Variants in CPNE1 observed in about 807,000 individuals in gnomAD.
CPNE1 encodes the protein copine-1.
CPNE1 carries 58 observed loss-of-function variants against 63.2 expected under a neutral mutation model. The observed-to-expected ratio is 0.92, with a 90% confidence interval of 0.74 to 1.14. CPNE1 has a LOEUF of 1.14. CPNE1 is among the 50% of genes most tolerant of loss of function. The pLI is 0.00. For synonymous variants in CPNE1, 237 were observed against 249.0 expected (o/e 0.95, Z 0.45); for missense variants, 672 against 661.7 (o/e 1.02, Z -0.17).
At chr20:35,656,879 G>A (rs1430097680) in intron 1 of CPNE1, among the ~76,000 whole-genome samples, 1 of 147,394 alleles carries the variant, frequency 6.8e-6, no homozygotes. Context: ...AATTAATGAA[G>A]AGATTTGGTT....
intron 1 of CPNE1, among the ~76,000 whole-genome samples, chr20:35,662,576 A>T (rs986814316): frequency 2.0e-5 from 3 of 152,246 alleles, no homozygotes; most frequent in Non-Finnish European, 2.9e-5. Flanking sequence ...ATCTAAAAGC[A>T]TCTTTTGTGC....
At chr20:35,653,246 G>A (rs867400669) in intron 1 of CPNE1, 1 of 1,613,556 alleles carries the variant, frequency 6.2e-7, no homozygotes, top group Non-Finnish European at 8.5e-7. Context: ...CCTGCACTGG[G>A]CATTCCCGCA....
At chr20:35,656,272 G>A (rs1474117413) in intron 1 of CPNE1, among the ~76,000 whole-genome samples, 1 of 151,974 alleles carries the variant, frequency 6.6e-6, no homozygotes, top group Non-Finnish European at 1.5e-5. Flanking sequence ...ATTACTCAGT[G>A]GTTGTTACAG....
chr20:35,630,450 G>T lies in CPNE1; in HGVS notation c.1091C>A (p.Pro364His), dbSNP rs532392894. Residue 364 changes from proline (P) to histidine (H), a missense_variant, in exon 13 of 16, where the codon CCC becomes CAC. Coordinates refer to ENST00000397443, the MANE Select transcript of CPNE1 (RefSeq NM_152925.3). ...ATGGGGAAACTTACCTGCACAGTAG[G>T]GGTTACTGGGGTTGAAATTCAAGGC... ...EFALNFNPSN[P>H]YCAGIQGIVD... 2 of 1,614,120 alleles carry T rather than the reference G, an allele frequency of 1.2e-6. No individual in the cohort carries two copies. Among genetic ancestry groups the T allele is most frequent in the Non-Finnish European group, 1.7e-6 (2 of 1,179,966 alleles).
intron 1 of CPNE1, among the ~76,000 whole-genome samples, chr20:35,643,817 G>A (rs1202731581): frequency 6.6e-6 from 1 of 152,100 alleles, no homozygotes; most frequent in Non-Finnish European, 1.5e-5. Flanking sequence ...CTACCAATAG[G>A]TAAGGGCCCT....
At position 35,664,802 on chromosome 20, in the gene CPNE1, CCCCCGCGCGAGTGCCTCCG is replaced by C. The variant is rs1300020469; in HGVS notation, c.-62_-44del. The C allele has an allele frequency of 6.6e-6, 1 of 152,444 alleles. No individual in the cohort carries two copies. Among genetic ancestry groups the C allele is most frequent in the Non-Finnish European group, 1.5e-5 (1 of 68,200 alleles). The allele number at this position is 152,444 out of a possible 1,614,324, so 9.4% of individuals were successfully genotyped here. A position where few individuals can be genotyped will look rare whatever the true frequency, so the allele number is the denominator to read the frequency against. ...CACCAGAACCCAGACCCCGAATTAC[CCCCCGCGCGAGTGCCTCCG>C]CCCCGCGGCCGACAGCCCCAGCCCG... On this transcript the variant is annotated 5_prime_UTR_variant, in exon 1 of 16. Coordinates refer to ENST00000397443, the MANE Select transcript of CPNE1 (RefSeq NM_152925.3).
intron 1 of CPNE1, among the ~76,000 whole-genome samples, chr20:35,663,551 C>T (rs2034351591): frequency 6.6e-6 from 1 of 152,120 alleles, no homozygotes; most frequent in African/African-American, 2.4e-5. Flanking sequence ...TCCCTACCAA[C>T]TTCTTCAATT....
chr20:35,646,620 G>A (rs1412365019), intron 1 of CPNE1, among the ~76,000 whole-genome samples: 1 of 152,100 alleles, frequency 6.6e-6, no homozygotes, highest in Non-Finnish European at 1.5e-5. Flanking sequence ...TTCAGTCTAA[G>A]AGTTTTAAGT....
intron 1 of CPNE1, among the ~76,000 whole-genome samples, chr20:35,633,954 C>T (rs1433224633): frequency 5.2e-5 from 5 of 96,746 alleles, no homozygotes; most frequent in South Asian, 3.7e-4. Context: ...AGCAAGATTC[C>T]GTCTCAAAAA....
chr20:35,654,270 G>C (rs760417413), intron 1 of CPNE1: 1 of 1,614,174 alleles, frequency 6.2e-7, no homozygotes, highest in Non-Finnish European at 8.5e-7. Context: ...CTTGAGGGGA[G>C]AGAAACTTAA....
chr20:35,647,029 G>A (rs2033144961), intron 1 of CPNE1, among the ~76,000 whole-genome samples: 1 of 152,056 alleles, frequency 6.6e-6, no homozygotes, highest in African/African-American at 2.4e-5. Context: ...AAAAAAATAG[G>A]GCCGGGCATG....
Position 35,630,190 on chromosome 20 carries a change from A to T in CPNE1, c.1102+249T>A, listed in dbSNP as rs543402529. ...GCGACTGTAGTCCCAGCTACTTGGG[A>T]GGCTGAGGCAGAAGAATTGCTCGAA... On this transcript the variant is annotated intron_variant, in intron 13 of 15. Coordinates refer to ENST00000397443, the MANE Select transcript of CPNE1 (RefSeq NM_152925.3). Among the ~76,000 whole-genome samples, 7 of 152,358 alleles carry T rather than the reference A, an allele frequency of 4.6e-5. No homozygotes were observed. The South Asian group carries it at 6.2e-4, about 14-fold the overall frequency.
chr20:35,627,705 C>G (rs1601415216), intron 13 of CPNE1, among the ~76,000 whole-genome samples: 1 of 152,144 alleles, frequency 6.6e-6, no homozygotes, highest in African/African-American at 2.4e-5. Flanking sequence ...AATAATGATC[C>G]ATTTGATACA....
At chr20:35,654,900 A>G (rs2033803705) in intron 1 of CPNE1, 1 of 1,614,042 alleles carries the variant, frequency 6.2e-7, no homozygotes, top group Non-Finnish European at 8.5e-7. Flanking sequence ...TGTTGCTTTC[A>G]TGAACAGAAG....
chr20:35,636,689 C>A (rs565909272), intron 1 of CPNE1, among the ~76,000 whole-genome samples: 26 of 152,120 alleles, frequency 1.7e-4, no homozygotes, highest in African/African-American at 6.0e-4. Flanking sequence ...CCCAGCTACT[C>A]GGGAGCCAGG....
intron 1 of CPNE1, among the ~76,000 whole-genome samples, chr20:35,646,238 G>A (rs1281182313): frequency 8.9e-6 from 1 of 112,436 alleles, no homozygotes; most frequent in African/African-American, 3.4e-5. Context: ...CTGGGCAGCA[G>A]AGCAAGACCA....
intron 1 of CPNE1, among the ~76,000 whole-genome samples, chr20:35,638,088 C>T (rs1465272377): frequency 6.6e-6 from 1 of 152,088 alleles, no homozygotes; most frequent in Non-Finnish European, 1.5e-5. Flanking sequence ...GTCTGTCTAC[C>T]CTGTAAACTA....
intron 13 of CPNE1, 100 bp from the exon 14 acceptor site, chr20:35,627,513 G>T (rs2031840301): frequency 8.0e-7 from 1 of 1,244,172 alleles, no homozygotes; most frequent in Non-Finnish European, 1.1e-6. Flanking sequence ...TCGGAACCTG[G>T]GTGCATTTCA....
At chr20:35,654,301 C>T (rs765195813) in intron 1 of CPNE1, 5 of 1,614,144 alleles carry the variant, frequency 3.1e-6, no homozygotes, top group South Asian at 2.2e-5. Flanking sequence ...CCCATTATTT[C>T]GACCTACATG....
Sources: allele counts gnomAD v4.1 joint callset (sites outside exome capture counted in the v4.1 genomes callset), GRCh38; gene constraint gnomAD v4.1.1; transcripts MANE v1.5; gene names NCBI Gene and HGNC (gene_info 2026-07-23, HGNC 2026-07-21).